Variants in PKHD1L1 observed in about 807,000 individuals in gnomAD.
The protein encoded by PKHD1L1 is PKHD1 like 1, also known as fibrocystin-L.
Under a neutral mutation model 462.9 loss-of-function variants are expected in PKHD1L1, and 434 were observed. The observed-to-expected ratio is 0.94, with a 90% CI of 0.87 to 1.02. PKHD1L1 has a LOEUF of 1.02. Ranked by LOEUF, PKHD1L1 falls within the 50% of genes least tolerant of loss-of-function variation. PKHD1L1 has a pLI of 0.00. For synonymous variants in PKHD1L1, 1,781 were observed against 1,750.0 expected (o/e 1.02, Z -0.44); for missense variants, 5,202 against 5,096.1 (o/e 1.02, Z -0.63).
At chr8:109,380,038 A>G (rs746671217) in intron 2 of PKHD1L1, among the ~76,000 whole-genome samples, 10 of 152,186 alleles carry the variant, frequency 6.6e-5, no homozygotes, top group Non-Finnish European at 1.5e-4. Flanking sequence ...GATGAACATT[A>G]GTGTCACCCT....
chr8:109,419,238 A>T lies in PKHD1L1; in HGVS notation c.2502A>T (p.Thr834=). ...TGGATGTAGTGTACATTGGACACACATCTACAATCTCAACATTGGATGGTA... is the reference window on the plus strand; with the variant it reads ...TGGATGTAGTGTACATTGGACACACTTCTACAATCTCAACATTGGATGGTA... The part of the protein sequence containing the change: ...FYVDVVYIGH[T]STISTLDEMP... The change falls in exon 22 of 78, where the codon ACA becomes ACT. Residue 834 remains threonine, a synonymous_variant. Coordinates refer to ENST00000378402, the MANE Select transcript of PKHD1L1 (RefSeq NM_177531.6). 6.2e-7 allele frequency: 1 copy of T among 1,607,132 alleles called. No individual in the cohort carries two copies. The highest frequency in any genetic ancestry group is 1.7e-4 in the Middle Eastern group (1 of 6,042).
In PKHD1L1 at chr8:109,459,539, AAT is replaced by A. The variant is rs1240677030; in HGVS notation, c.7005-53_7005-52del. 9 of 1,346,096 alleles carry A rather than the reference AAT, an allele frequency of 6.7e-6. No homozygotes were observed. The East Asian group carries it at 1.0e-4, about 15-fold the overall frequency. The allele number at this position is 1,346,096 out of a possible 1,614,324, so 83.4% of individuals were successfully genotyped here. ...ATGAATAAAACAAATATACCAAAAC[AAT>A]ATGTTATGTCAATTTATATTAATTT... On this transcript the variant is annotated intron_variant, in intron 46 of 77. Coordinates refer to ENST00000378402, the MANE Select transcript of PKHD1L1 (RefSeq NM_177531.6).
At chr8:109,419,694 C>A (rs1343252003) in intron 22 of PKHD1L1, among the ~76,000 whole-genome samples, 2 of 152,034 alleles carry the variant, frequency 1.3e-5, no homozygotes, top group East Asian at 3.9e-4. Flanking sequence ...ACAAATGAAA[C>A]CTTCATTTCA....
chr8:109,374,869 A>C (rs899908834), intron 2 of PKHD1L1, among the ~76,000 whole-genome samples: 12 of 151,856 alleles, frequency 7.9e-5, no homozygotes, highest in South Asian at 2.1e-4. Flanking sequence ...CCGAGAGATC[A>C]GCTGTTAGTC....
chr8:109,445,497 C>T lies in PKHD1L1; in HGVS notation c.5628C>T (p.Asn1876=). Residue 1876 remains asparagine (N), a synonymous_variant, in exon 38 of 78, where the codon AAC becomes AAT. Coordinates refer to ENST00000378402, the MANE Select transcript of PKHD1L1 (RefSeq NM_177531.6). The part of the protein sequence containing the change: ...GDEPCQIISI[N]PNEVYCRTPA... ...AACCTTGTCAAATTATTTCCATCAA[C>T]CCCAATGAAGTCTACTGCCGCACTC... 6.2e-7 allele frequency: 1 copy of T among 1,613,720 alleles called. No homozygotes were observed. Among genetic ancestry groups the T allele is most frequent in the Non-Finnish European group, 8.5e-7 (1 of 1,179,808 alleles).
rs1410488403 is a variant in PKHD1L1 at position 109,535,753 on chromosome 8, A to G, written c.*5663A>G. The stretch of plus-strand genomic sequence containing the variant: ...GTAACAAACTGACTTAGAGGAAGGA[A>G]AATAGTAAAATACAAAAGACTAAGT... On this transcript the variant is annotated 3_prime_UTR_variant, in exon 78 of 78. Transcript: ENST00000378402. 1.3e-5 allele frequency among the ~76,000 whole-genome samples: 2 copies of G among 152,254 alleles called. No individual in the cohort carries two copies. Among genetic ancestry groups the G allele is most frequent in the African/African-American group, 4.8e-5 (2 of 41,470 alleles).
intron 70 of PKHD1L1, among the ~76,000 whole-genome samples, chr8:109,510,229 C>A (rs952023540): frequency 8.5e-5 from 13 of 152,140 alleles, no homozygotes; most frequent in African/African-American, 3.1e-4. Context: ...AAAACAAGTG[C>A]ATGAGTGAAA....
chr8:109,504,757 T>C (rs1002541667), intron 68 of PKHD1L1, among the ~76,000 whole-genome samples: 1 of 152,332 alleles, frequency 6.6e-6, no homozygotes, highest in African/African-American at 2.4e-5. Flanking sequence ...TTGTTAAATA[T>C]GAAAGCTATA....
chr8:109,475,277 T>C lies in PKHD1L1; in HGVS notation c.8757+8T>C, dbSNP rs1450695766. On this transcript the variant is annotated splice_region_variant and intron_variant, in intron 51 of 77. Transcript: ENST00000378402. The stretch of plus-strand genomic sequence containing the variant: ...ACATTCTATGGATTCAAGGTAAAAA[T>C]ATTTATCTTCTAATGATTATAATTG... The C allele has an allele frequency of 2.1e-5, 33 of 1,584,406 alleles. No homozygotes were observed. Among genetic ancestry groups the C allele is most frequent in the Non-Finnish European group, 2.6e-5 (30 of 1,159,698 alleles).
In PKHD1L1 at chr8:109,486,764, T is replaced by C; in HGVS notation, c.9823T>C (p.Ser3275Pro). ...AGATTACCCCGGTTGGTCTGAGGAC[T>C]CTTTTGGAGCACGCGTACTGGTTGG... ...GEDYPGWSEDSFGARVLVGSF... is the reference protein window; with the variant it reads ...GEDYPGWSEDPFGARVLVGSF... Residue 3275 changes from serine (S) to proline (P), a missense_variant, in exon 59 of 78, where the codon TCT becomes CCT. By Grantham distance (74) the Ser-to-Pro change is moderately conservative. Coordinates refer to ENST00000378402, the MANE Select transcript of PKHD1L1 (RefSeq NM_177531.6). 6.2e-7 allele frequency: 1 copy of C among 1,612,534 alleles called. No individual in the cohort carries two copies.
intron 32 of PKHD1L1, among the ~76,000 whole-genome samples, chr8:109,439,983 T>C (rs931941638): frequency 8.5e-5 from 13 of 152,116 alleles, no homozygotes; most frequent in Admixed American, 8.5e-4. Flanking sequence ...ATGCTGTAGC[T>C]TGACCATATA....
At chr8:109,407,974 T>A in intron 17 of PKHD1L1, 75 bp from the exon 18 acceptor site, 1 of 976,928 alleles carries the variant, frequency 1.0e-6, no homozygotes, top group Non-Finnish European at 1.3e-6. Context: ...ATTAAATATA[T>A]ATAAAATATA....
In PKHD1L1 at chr8:109,465,518, T is replaced by A. The variant is rs1427065037; in HGVS notation, c.8413+273T>A. 2.0e-5 allele frequency among the ~76,000 whole-genome samples: 3 copies of A among 152,314 alleles called. No homozygotes were observed. The East Asian group carries it at 5.8e-4, about 29-fold the overall frequency. On this transcript the variant is annotated intron_variant, in intron 49 of 77. Transcript: ENST00000378402. The stretch of plus-strand genomic sequence containing the variant: ...ATTAACAGAAAATTTTGGGCAATAT[T>A]CATGGAAACATTGATCACAAAAGGA...
At chr8:109,445,673 G>T in intron 38 of PKHD1L1, 28 bp downstream of exon 38, 3 of 1,528,358 alleles carry the variant, frequency 2.0e-6, no homozygotes, top group East Asian at 2.3e-5. Context: ...TTATTATCTT[G>T]ATATTATAGT....
Position 109,406,340 on chromosome 8 carries a change from C to A in PKHD1L1, c.1675C>A (p.Leu559Ile). ...LIYNMEKTVF[L>I]PADASEFILQ... is the part of the protein sequence containing the mutation. ...TTGTTTTAATCCAATCAAAGTCTTC[C>A]TACCTGCTGATGCTTCTGAATTCAT... Residue 559 changes from leucine (L) to isoleucine (I), a missense_variant, in exon 17 of 78, where the codon CTA becomes ATA. Leu to Ile is a conservative substitution (Grantham distance 5). Coordinates refer to ENST00000378402, the MANE Select transcript of PKHD1L1 (RefSeq NM_177531.6). 6.5e-7 allele frequency: 1 copy of A among 1,546,714 alleles called. No individual in the cohort carries two copies. The highest frequency in any genetic ancestry group is 8.7e-7 in the Non-Finnish European group (1 of 1,145,684).
chr8:109,404,570 T>C lies in PKHD1L1; in HGVS notation c.1390T>C (p.Leu464=). 1.9e-6 allele frequency: 3 copies of C among 1,562,066 alleles called. No individual in the cohort carries two copies. The highest frequency in any genetic ancestry group is 2.6e-6 in the Non-Finnish European group (3 of 1,153,490). Residue 464 remains leucine (L), a synonymous_variant, in exon 15 of 78, where the codon TTG becomes CTG. Coordinates refer to ENST00000378402, the MANE Select transcript of PKHD1L1 (RefSeq NM_177531.6). ...QKGKEYYIEI[L]LQEYRLSAFV... ...ATTTTCCAGATACTATATTGAAATC[T>C]TGCTGCAGGAGTACAGATTAAGTGC...
chr8:109,456,528 T>A, intron 46 of PKHD1L1, 137 bp downstream of exon 46: 1 of 814,864 alleles, frequency 1.2e-6, no homozygotes, highest in East Asian at 2.9e-5. Context: ...AACAGCCAAA[T>A]ACAGATTTGC....
chr8:109,489,577 T>C (rs1818723897), intron 59 of PKHD1L1, among the ~76,000 whole-genome samples: 1 of 151,994 alleles, frequency 6.6e-6, no homozygotes, highest in African/African-American at 2.4e-5. Context: ...TTTTATGCCT[T>C]ATGCCATACA....
At position 109,532,739 on chromosome 8, in the gene PKHD1L1, T is replaced by C. The variant is rs925681645; in HGVS notation, c.*2649T>C. On this transcript the variant is annotated 3_prime_UTR_variant, in exon 78 of 78. Transcript: ENST00000378402. ...AATGTTTATATCTTGTACTACTGTCTCTACTCATTCCTAAATTCCATCACC... is the reference window on the plus strand; with the variant it reads ...AATGTTTATATCTTGTACTACTGTCCCTACTCATTCCTAAATTCCATCACC... 1.3e-5 allele frequency among the ~76,000 whole-genome samples: 2 copies of C among 152,262 alleles called. No homozygotes were observed. The highest frequency in any genetic ancestry group is 4.8e-5 in the African/African-American group (2 of 41,470).
Sources: allele counts gnomAD v4.1 joint callset (sites outside exome capture counted in the v4.1 genomes callset), GRCh38; gene constraint gnomAD v4.1.1; transcripts MANE v1.5; gene names NCBI Gene and HGNC (gene_info 2026-07-23, HGNC 2026-07-21).